Variants in NEU3 observed in about 807,000 individuals in gnomAD.
The protein encoded by NEU3 is sialidase-3.
In NEU3, 10 loss-of-function variants were observed where a neutral mutation model predicts 11.4. The observed-to-expected ratio is 0.88, with a 90% CI of 0.54 to 1.49. The LOEUF is 1.49. NEU3 is among the 40% of genes most tolerant of loss of function. The pLI is 0.00. For synonymous variants in NEU3, 212 were observed against 228.2 expected, an observed-to-expected ratio of 0.93 and a Z score of 0.64; for missense variants, 529 against 581.8, an observed-to-expected ratio of 0.91 and a Z score of 0.93.
intron 3 of NEU3, among the ~76,000 whole-genome samples, chr11:75,016,494 A>G (rs1948982059): frequency 6.6e-6 from 1 of 152,152 alleles, no homozygotes; most frequent in South Asian, 2.1e-4. Flanking sequence ...TTGGGTTAAC[A>G]CCAAGTCCTA....
Position 75,006,078 on chromosome 11 carries a change from C to T in NEU3, c.972C>T (p.Ile324=), listed in dbSNP as rs1407238616. Residue 324 remains isoleucine, a synonymous_variant, in exon 3 of 3, where the codon ATC becomes ATT. Coordinates refer to ENST00000294064, the MANE Select transcript of NEU3 (RefSeq NM_006656.6). ...GSVVSFRPLE[I]PHRCQDSSSK... ...TGGTAAGTTTCCGGCCCCTGGAGAT[C>T]CCACATAGGTGCCAGGACTCTAGCA... is the stretch of plus-strand genomic sequence containing the variant. 6.2e-7 allele frequency: 1 copy of T among 1,613,984 alleles called. No homozygotes were observed. Among genetic ancestry groups the T allele is most frequent in the South Asian group, 1.1e-5 (1 of 91,086 alleles).
intron 2 of NEU3, among the ~76,000 whole-genome samples, chr11:75,003,114 C>G (rs955390381): frequency 1.3e-5 from 2 of 152,126 alleles, no homozygotes; most frequent in East Asian, 3.8e-4. Flanking sequence ...TATGTTCTAC[C>G]TCAATAGATA....
intron 1 of NEU3, among the ~76,000 whole-genome samples, chr11:74,992,875 G>A (rs1246330236): frequency 6.6e-6 from 1 of 152,150 alleles, no homozygotes; most frequent in African/African-American, 2.4e-5. Flanking sequence ...CAGGGGAGTT[G>A]CTTGAACCCA....
downstream of NEU3, among the ~76,000 whole-genome samples, chr11:75,011,600 AT>A (rs1236550034): frequency 2.0e-5 from 3 of 152,308 alleles, no homozygotes; most frequent in East Asian, 3.9e-4. Flanking sequence ...GCAGAAACTG[AT>A]AAGGGTTGAG....
chr11:75,012,146 T>C (rs527738169), downstream of NEU3, among the ~76,000 whole-genome samples: 14 of 152,180 alleles, frequency 9.2e-5, no homozygotes, highest in Admixed American at 5.2e-4. Context: ...ATGCAGAGGT[T>C]TGGGGACTTA....
downstream of NEU3, among the ~76,000 whole-genome samples, chr11:75,013,802 G>A (rs1948969903): frequency 6.6e-6 from 1 of 152,224 alleles, no homozygotes; most frequent in African/African-American, 2.4e-5. Context: ...GGAAAGCTGA[G>A]ATTCAGCAAG....
At chr11:75,017,280 T>A (rs1172325580) in intron 3 of NEU3, among the ~76,000 whole-genome samples, 1 of 152,160 alleles carries the variant, frequency 6.6e-6, no homozygotes, top group African/African-American at 2.4e-5. Context: ...TTGTGAGACT[T>A]CCCTGAGCTT....
At chr11:75,002,340 ATTT>A (rs1948853905) in intron 2 of NEU3, among the ~76,000 whole-genome samples, 1 of 152,342 alleles carries the variant, frequency 6.6e-6, no homozygotes, top group African/African-American at 2.4e-5. Context: ...TGTTTTGTCC[ATTT>A]ATACAGAAAT....
At chr11:74,984,146 G>A (rs1022314130), upstream of NEU3, among the ~76,000 whole-genome samples, 4 of 152,196 alleles carry the variant, frequency 2.6e-5, no homozygotes, top group Non-Finnish European at 2.9e-5. Context: ...AGAAATGAAA[G>A]GTGCATATCG....
intron 2 of NEU3, among the ~76,000 whole-genome samples, chr11:75,000,394 C>T (rs146225258): frequency 7.9e-5 from 12 of 152,266 alleles, no homozygotes; most frequent in African/African-American, 2.6e-4. Context: ...CCCCATTTCT[C>T]CCTCCTCAGT....
At chr11:74,994,923 C>T (rs538249972) in intron 2 of NEU3, 5 of 686,248 alleles carry the variant, frequency 7.3e-6, no homozygotes, top group East Asian at 2.7e-5. Context: ...CATTCTGTGT[C>T]GTAGGTACTG....
the NEU3 span, among the ~76,000 whole-genome samples, chr11:74,981,454 G>C: frequency 6.6e-6 from 1 of 152,162 alleles, no homozygotes; most frequent in Non-Finnish European, 1.5e-5. Flanking sequence ...GAGCAAATTT[G>C]CCTGTTGCTC....
chr11:74,997,341 A>G (rs368022523), intron 2 of NEU3, among the ~76,000 whole-genome samples: 1 of 152,234 alleles, frequency 6.6e-6, no homozygotes, highest in East Asian at 1.9e-4. Context: ...CTACTTTCCA[A>G]CTTTTCTTGT....
chr11:74,998,607 A>G lies in NEU3; in HGVS notation c.306+3887A>G, dbSNP rs115196195. 9.5e-3 allele frequency among the ~76,000 whole-genome samples: 1,449 copies of G among 152,340 alleles called. 28 individuals are homozygous for G. The highest frequency in any genetic ancestry group is 0.033 in the African/African-American group (1,369 of 41,582). On this transcript the variant is annotated intron_variant, in intron 2 of 2. Coordinates refer to ENST00000294064, the MANE Select transcript of NEU3 (RefSeq NM_006656.6). Reference sequence around the variant, plus strand: ...TACAGATGTCTCAAATCTGACCATTAAATCTTCATATCCACAGCAGATAAC... The same window carrying G: ...TACAGATGTCTCAAATCTGACCATTGAATCTTCATATCCACAGCAGATAAC...
downstream of NEU3, among the ~76,000 whole-genome samples, chr11:75,012,883 CAT>C (rs1948964713): frequency 1.3e-5 from 2 of 152,228 alleles, no homozygotes; most frequent in African/African-American, 4.8e-5. Context: ...GCAGCGTACA[CAT>C]CTTAAGTGAG....
downstream of NEU3, among the ~76,000 whole-genome samples, chr11:75,015,113 G>T (rs945265943): frequency 6.6e-6 from 1 of 152,124 alleles, no homozygotes; most frequent in African/African-American, 2.4e-5. Context: ...TAACACCCAA[G>T]ATGATGGTCT....
chr11:75,014,921 A>G (rs1948974482), downstream of NEU3, among the ~76,000 whole-genome samples: 1 of 152,220 alleles, frequency 6.6e-6, no homozygotes, highest in Non-Finnish European at 1.5e-5. Flanking sequence ...CACAAGTTGC[A>G]GATAGATAAA....
chr11:75,000,776 AATTTATTTATTTATTTATTTATTT>A (rs61008511), intron 2 of NEU3, among the ~76,000 whole-genome samples: 98 of 134,528 alleles, frequency 7.3e-4, no homozygotes, highest in African/African-American at 2.6e-3. Flanking sequence ...ATACCCAGCT[AATTTATTTATTTATTTATTTATTT>A]ATTTATTTAT....
the NEU3 span, among the ~76,000 whole-genome samples, chr11:74,982,348 CCTG>C: frequency 7.4e-3 from 1,122 of 152,176 alleles, 11 homozygotes; most frequent in African/African-American, 0.026. Context: ...AATAGGTAAA[CCTG>C]CTCATTTCAA....
Sources: allele counts gnomAD v4.1 joint callset (sites outside exome capture counted in the v4.1 genomes callset), GRCh38; gene constraint gnomAD v4.1.1; transcripts MANE v1.5; gene names NCBI Gene and HGNC (gene_info 2026-07-23, HGNC 2026-07-21).